FOXO3B: variants seen among roughly 807,000 people sequenced by gnomAD.
FOXO3B encodes forkhead box O3B, also known as forkhead box protein O3B.
Under a neutral mutation model 21.9 loss-of-function variants are expected in FOXO3B, and 15 were observed. The ratio of observed to expected loss-of-function variants is 0.68; its 90% confidence interval spans 0.46 to 1.05. The LOEUF is 1.05. FOXO3B is among the 50% of genes least tolerant of loss of function. FOXO3B has a pLI of 0.00. For synonymous variants in FOXO3B, 135 were observed against 213.6 expected (o/e 0.63, Z 3.21); for missense variants, 293 against 435.5 (o/e 0.67, Z 2.91).
At position 18,671,971 on chromosome 17, in the gene FOXO3B, G is replaced by C; in HGVS notation, c.*338C>G. ...GATGGGCGACAGGCGGCCACTGACT[G>C]TGCTGGCGTTAGAATTGGTGCGTGA... On this transcript the variant is annotated 3_prime_UTR_variant, in exon 4 of 4. Transcript: ENST00000395675. 1 of 1,613,278 alleles carries C rather than the reference G, an allele frequency of 6.2e-7. No individual in the cohort carries two copies. Among genetic ancestry groups the C allele is most frequent in the Non-Finnish European group, 8.5e-7 (1 of 1,179,658 alleles).
chr17:18,673,490 A>G (rs957417800), intron 3 of FOXO3B, among the ~76,000 whole-genome samples: 1 of 152,202 alleles, frequency 6.6e-6, no homozygotes, highest in Non-Finnish European at 1.5e-5. Flanking sequence ...TGGTAGATAT[A>G]ACCTACATAA....
intron 3 of FOXO3B, among the ~76,000 whole-genome samples, chr17:18,680,378 A>G (rs1394688283): frequency 2.0e-5 from 3 of 152,162 alleles, no homozygotes; most frequent in Non-Finnish European, 4.4e-5. Flanking sequence ...TTGCCACTTA[A>G]AGTCACATAC....
chr17:18,679,918 C>T (rs1196138184), intron 3 of FOXO3B, among the ~76,000 whole-genome samples: 1 of 151,964 alleles, frequency 6.6e-6, no homozygotes, highest in African/African-American at 2.4e-5. Context: ...CGGCTTACTG[C>T]AACCTCCACC....
At chr17:18,676,891 C>T (rs868564342) in intron 3 of FOXO3B, among the ~76,000 whole-genome samples, 7 of 152,114 alleles carry the variant, frequency 4.6e-5, no homozygotes, top group Admixed American at 6.5e-5. Flanking sequence ...GTAGTAGAGA[C>T]GGGGTTTCAC....
rs1217619512 is a variant in FOXO3B, at chr17:18,677,752, G to A, written c.126+2989C>T. 5 of 1,501,194 alleles carry A rather than the reference G, an allele frequency of 3.3e-6. No homozygotes were observed. The South Asian group carries it at 3.4e-5, about 10-fold the overall frequency. The allele number at this position is 1,501,194 out of a possible 1,614,324, so 93.0% of individuals were successfully genotyped here. ...ACGGACAAGAAGCGGGCGCTACGGC[G>A]GCTGTAGTGGGCTCTCTTCCTCCTT... is the stretch of plus-strand genomic sequence containing the variant. On this transcript the variant is annotated intron_variant, in intron 3 of 3. Transcript: ENST00000395675.
chr17:18,675,705 G>C (rs577291377), intron 3 of FOXO3B, among the ~76,000 whole-genome samples: 51 of 152,156 alleles, frequency 3.4e-4, no homozygotes, highest in Non-Finnish European at 6.8e-4. Context: ...ACCACAGGTA[G>C]CATTACAAAT....
At position 18,671,376 on chromosome 17, in the gene FOXO3B, A is replaced by T. The variant is rs2032360125; in HGVS notation, c.*933T>A. The T allele has an allele frequency of 1.2e-6, 2 of 1,613,626 alleles. No individual in the cohort carries two copies. The highest frequency in any genetic ancestry group is 2.2e-5 in the South Asian group (2 of 91,048). On this transcript the variant is annotated 3_prime_UTR_variant, in exon 4 of 4. Coordinates refer to ENST00000395675, the MANE Select transcript of FOXO3B (RefSeq NM_001368135.1). ...CTGGTTAGGCTGGGCAGCAAAGGAC[A>T]TCATCGGATCATTGCGAAGCATCAC...
At chr17:18,677,668 G>GGC in intron 3 of FOXO3B, 1 of 1,606,968 alleles carries the variant, frequency 6.2e-7, no homozygotes. Flanking sequence ...GGGGCTGAGG[G>GGC]TCCCATGGCC....
chr17:18,679,441 TTCC>T (rs1207706082), intron 3 of FOXO3B, among the ~76,000 whole-genome samples: 1 of 145,394 alleles, frequency 6.9e-6, no homozygotes, highest in African/African-American at 2.7e-5. Flanking sequence ...AGCTCCTTTT[TTCC>T]TCCTCAACTT....
intron 3 of FOXO3B, among the ~76,000 whole-genome samples, chr17:18,678,440 T>C (rs1414021159): frequency 6.6e-6 from 1 of 151,652 alleles, no homozygotes; most frequent in African/African-American, 2.4e-5. Context: ...AGGGACTGAA[T>C]TTGAGGGGGA....
chr17:18,680,137 C>T (rs1410702852), intron 3 of FOXO3B, among the ~76,000 whole-genome samples: 9 of 152,312 alleles, frequency 5.9e-5, no homozygotes, highest in Non-Finnish European at 1.0e-4. Flanking sequence ...CCACGCCCAG[C>T]CAAACATTCG....
In FOXO3B at chr17:18,673,128, C is replaced by T. The variant is rs1439191009; in HGVS notation, c.127-73G>A. On this transcript the variant is annotated intron_variant, in intron 3 of 3. Coordinates refer to ENST00000395675, the MANE Select transcript of FOXO3B (RefSeq NM_001368135.1). ...CGGAGCCCCGTCCTCGGCGAGTCCT[C>T]GCCCGCTGCCGCCACCTCCCAGTCT... is the stretch of plus-strand genomic sequence containing the variant. 1.4e-5 allele frequency: 19 copies of T among 1,405,240 alleles called. 1 individual carries two copies. The highest frequency in any genetic ancestry group is 2.6e-4 in the Middle Eastern group (1 of 3,858). The allele number at this position is 1,405,240 out of a possible 1,614,324, so 87.0% of individuals were successfully genotyped here.
Position 18,672,942 on chromosome 17 carries a change from G to A in FOXO3B, c.240C>T (p.Ala80=), listed in dbSNP as rs754584374. Residue 80 remains alanine (A), a synonymous_variant, in exon 4 of 4, where the codon GCC becomes GCT. Coordinates refer to ENST00000395675, the MANE Select transcript of FOXO3B (RefSeq NM_001368135.1). This position sits in a 1 kb window ranked among gnomAD's most constrained non-coding sequence, Gnocchi z 4.2. ...REESARTPAA[A]GRAAKMAEAP... ...CCTCTGCCATCTTCGCCGCCCGCCC[G>A]GCCGCGGCTGGGGTTCTCGCGCTCT... is the stretch of plus-strand genomic sequence containing the variant. 6 of 1,499,906 alleles carry A rather than the reference G, an allele frequency of 4.0e-6. No individual in the cohort carries two copies. In the East Asian group the frequency reaches 1.5e-4, roughly 38 times the overall value. The allele number at this position is 1,499,906 out of a possible 1,614,324, so 92.9% of individuals were successfully genotyped here.
At chr17:18,677,534 C>T in intron 3 of FOXO3B, 2 of 1,611,280 alleles carry the variant, frequency 1.2e-6, no homozygotes, top group Non-Finnish European at 1.7e-6. Context: ...CGGCTCGGGC[C>T]CGTCTGCTCA....
At position 18,668,570 on chromosome 17, in the gene FOXO3B, G is replaced by A. The variant is rs749867775; in HGVS notation, c.*3739C>T. The A allele has an allele frequency of 6.6e-6, 1 of 152,544 alleles. No homozygotes were observed. Among genetic ancestry groups the A allele is most frequent in the Non-Finnish European group, 1.5e-5 (1 of 68,048 alleles). The allele number at this position is 152,544 out of a possible 1,614,324, so 9.4% of individuals were successfully genotyped here. A position where few individuals can be genotyped will look rare whatever the true frequency, so the allele number is the denominator to read the frequency against. On this transcript the variant is annotated 3_prime_UTR_variant, in exon 4 of 4. Transcript: ENST00000395675. ...TTCTCACTCCCAAAGCAGCTCCCTG[G>A]GTCTGTAAAACTGCAAAGGCAAGTA...
intron 3 of FOXO3B, among the ~76,000 whole-genome samples, chr17:18,674,426 T>G (rs11658285): frequency 9.0e-5 from 13 of 144,598 alleles, no homozygotes; most frequent in African/African-American, 3.0e-4. Context: ...GAGATCGAGA[T>G]CATCCTGGCT....
chr17:18,679,737 C>T (rs1357807151), intron 3 of FOXO3B, among the ~76,000 whole-genome samples: 10 of 152,108 alleles, frequency 6.6e-5, no homozygotes, highest in African/African-American at 2.4e-4. Flanking sequence ...CATGAGCCAC[C>T]GTGCCCAGCC....
At position 18,682,295 on chromosome 17, in the gene FOXO3B, C is replaced by A. The variant is rs1399009539; in HGVS notation, c.-287G>T. On this transcript the variant is annotated 5_prime_UTR_variant, in exon 1 of 4. Transcript: ENST00000395675. ...AAGGAGCGGAGCCAGGCGTGCTGCT[C>A]TCATTCCGCCCGGAACTACAATTCC... 7.1e-5 allele frequency: 39 copies of A among 547,890 alleles called. 4 individuals are homozygous for A. Among genetic ancestry groups the A allele is most frequent in the African/African-American group, 6.4e-4 (34 of 52,856 alleles). 33.9% of individuals were successfully genotyped at this position (547,890 alleles called of 1,614,324 possible). A position where few individuals can be genotyped will look rare whatever the true frequency, so the allele number is the denominator to read the frequency against.
chr17:18,672,520 G>C lies in FOXO3B; in HGVS notation c.662C>G (p.Pro221Arg). ...LLQPQQPLPP[P>R]QPGAAGGSGQ... ...GGAGCCCCCAGCCGCCCCCGGCTGC[G>C]GCGGTGGCAGCGGTTGCTGAGGCTG... Residue 221 changes from proline (P) to arginine (R), a missense_variant, in exon 4 of 4, where the codon CCG (proline) becomes CGG (arginine). Pro to Arg is a moderately radical substitution (Grantham distance 103). Around this residue, in one of 2 missense-constraint regions of FOXO3B, gnomAD observed 251 missense variants for 404.0 expected, o/e 0.62. Coordinates refer to ENST00000395675, the MANE Select transcript of FOXO3B (RefSeq NM_001368135.1). The surrounding 1 kb of genome is among the most constrained non-coding windows in gnomAD (Gnocchi z 4.2). The C allele has an allele frequency of 1.3e-6, 2 of 1,505,640 alleles. No individual in the cohort carries two copies. The allele number at this position is 1,505,640 out of a possible 1,614,324, so 93.3% of individuals were successfully genotyped here.
Sources: allele counts gnomAD v4.1 joint callset (sites outside exome capture counted in the v4.1 genomes callset), GRCh38; gene constraint gnomAD v4.1.1; regional missense constraint gnomAD v4.1.1; non-coding constraint Gnocchi (gnomAD v3.1); transcripts MANE v1.5; gene names NCBI Gene and HGNC (gene_info 2026-07-23, HGNC 2026-07-21).